MATN3: variants seen among roughly 807,000 people sequenced by gnomAD.
MATN3 encodes matrilin 3, also known as matrilin-3.
Under a neutral mutation model 45.3 loss-of-function variants are expected in MATN3, and 48 were observed. That is an observed-to-expected ratio of 1.06 (90% CI 0.84 to 1.35). The LOEUF (loss-of-function observed/expected upper bound fraction) is 1.35, where lower values mean the gene tolerates loss of function less well. Among genes scored for constraint, MATN3 ranks in the 40% most tolerant of loss-of-function variants. MATN3 has a pLI of 0.00. For synonymous variants in MATN3, 217 were observed against 245.9 expected, an observed-to-expected ratio of 0.88 and a Z score of 1.10; for missense variants, 599 against 628.0, an observed-to-expected ratio of 0.95 and a Z score of 0.49.
intron 1 of MATN3, among the ~76,000 whole-genome samples, chr2:20,010,072 A>T (rs1201745453): frequency 1.3e-5 from 1 of 77,516 alleles, no homozygotes; most frequent in Admixed American, 1.3e-4. Context: ...AATACTAAAA[A>T]AAAAAAAAAA....
At position 19,997,138 on chromosome 2, in the gene MATN3, A is replaced by C. The variant is rs749669494; in HGVS notation, c.1290T>G (p.Cys430Trp). The part of the protein sequence containing the change: ...GYTLNEDKKT[C>W]SATEEARRLV... ...CCTTAAAGGGCTGATCCTCACCTGA[A>C]CATGTTTTCTTGTCCTCATTTAAGG... Residue 430 changes from cysteine to tryptophan, a missense_variant, in exon 6 of 8, where the codon TGT (cysteine) becomes TGG (tryptophan). Physicochemically the swap from Cys to Trp is radical, Grantham distance 215. Coordinates refer to ENST00000407540, the MANE Select transcript of MATN3 (RefSeq NM_002381.5). The C allele has an allele frequency of 3.1e-6, 5 of 1,613,628 alleles. No individual in the cohort carries two copies. The Admixed American group carries it at 8.3e-5, about 27-fold the overall frequency.
intron 5 of MATN3, among the ~76,000 whole-genome samples, chr2:19,999,617 G>A (rs1672945429): frequency 8.0e-6 from 1 of 125,566 alleles, no homozygotes; most frequent in African/African-American, 3.0e-5. Flanking sequence ...TTTTTTACTG[G>A]TTTCCCTTTA....
At chr2:20,002,731 C>T (rs531481833) in intron 3 of MATN3, among the ~76,000 whole-genome samples, 1 of 151,936 alleles carries the variant, frequency 6.6e-6, no homozygotes, top group South Asian at 2.1e-4. Context: ...TCCCAAGTAA[C>T]TGGGACTACA....
chr2:19,997,406 G>C, intron 5 of MATN3, 147 bp from the exon 6 acceptor site: 1 of 715,598 alleles, frequency 1.4e-6, no homozygotes, highest in Non-Finnish European at 2.2e-6. Flanking sequence ...CATGCTGCAG[G>C]AGCAAGCCTG....
At chr2:19,994,881 G>A (rs185350328) in intron 6 of MATN3, among the ~76,000 whole-genome samples, 2 of 152,078 alleles carry the variant, frequency 1.3e-5, no homozygotes, top group Non-Finnish European at 2.9e-5. Context: ...TTGAGGCCAG[G>A]AGTTCAAGAC....
chr2:20,010,411 G>A (rs894987457), intron 1 of MATN3, among the ~76,000 whole-genome samples: 1 of 152,098 alleles, frequency 6.6e-6, no homozygotes, highest in Non-Finnish European at 1.5e-5. Flanking sequence ...AGACGTCCAC[G>A]TCCTAATTCC....
chr2:20,006,266 T>C lies in MATN3; in HGVS notation c.268A>G (p.Ser90Gly). The change falls in exon 2 of 8, where the codon AGT (serine) becomes GGT (glycine). Residue 90 changes from serine to glycine, a missense_variant. Transcript: ENST00000407540. ...TCCAGGGGCCGTACGCTACGAGAAC[T>C]ATCAATGATAAACACCAGGTCCAAG... The part of the protein sequence containing the change: ...RPLDLVFIID[S>G]SRSVRPLEFT... 1 of 1,599,540 alleles carries C rather than the reference T, an allele frequency of 6.3e-7. No homozygotes were observed. Among genetic ancestry groups the C allele is most frequent in the South Asian group, 1.1e-5 (1 of 90,058 alleles).
intron 2 of MATN3, 134 bp downstream of exon 2, chr2:20,005,610 A>G (rs529531121): frequency 4.9e-4 from 362 of 740,936 alleles, no homozygotes; most frequent in African/African-American, 1.0e-3. Flanking sequence ...ACACGTGCAC[A>G]CACACACACG....
chr2:19,996,031 G>A (rs564046330), intron 6 of MATN3, among the ~76,000 whole-genome samples: 1 of 152,148 alleles, frequency 6.6e-6, no homozygotes, highest in African/African-American at 2.4e-5. Context: ...TATAATACTT[G>A]TTCAGTGTCT....
chr2:19,992,999 A>T lies in MATN3; in HGVS notation c.*112T>A, dbSNP rs1672788699. 4 of 829,266 alleles carry T rather than the reference A, an allele frequency of 4.8e-6. No homozygotes were observed. The highest frequency in any genetic ancestry group is 6.2e-6 in the Non-Finnish European group (3 of 486,392). The allele number at this position is 829,266 out of a possible 1,614,324, so 51.4% of individuals were successfully genotyped here. A position where few individuals can be genotyped will look rare whatever the true frequency, so the allele number is the denominator to read the frequency against. ...TCCAGTAATATTCAAGCATTAATAC[A>T]GATAATGGCAAATTATTAGCAGGAA... On this transcript the variant is annotated 3_prime_UTR_variant, in exon 8 of 8. Transcript: ENST00000407540.
intron 5 of MATN3, chr2:19,997,826 T>C (rs563058916): frequency 1.3e-5 from 2 of 152,076 alleles, no homozygotes; most frequent in South Asian, 4.2e-4. Flanking sequence ...GGGTTAGTAA[T>C]GATGATGTGT....
chr2:20,012,534 C>T lies in MATN3; in HGVS notation c.98G>A (p.Arg33His). Reference protein sequence around the residue: ...LPSAAPDPVARPGFRRLETRG... With the variant: ...LPSAAPDPVAHPGFRRLETRG... ...GGTCTCCAGCCTCCGGAAGCCCGGG[C>T]GGGCCACGGGGTCGGGGGCGGCGGA... Residue 33 changes from arginine (R) to histidine (H), a missense_variant, in exon 1 of 8, where the codon CGC (arginine) becomes CAC (histidine). Physicochemically the swap from Arg to His is conservative, Grantham distance 29. Transcript: ENST00000407540. This position sits in a 1 kb window ranked among gnomAD's most constrained non-coding sequence, Gnocchi z 4.3. The T allele has an allele frequency of 8.2e-7, 1 of 1,226,620 alleles. No individual in the cohort carries two copies. The allele number at this position is 1,226,620 out of a possible 1,614,324, so 76.0% of individuals were successfully genotyped here. A position where few individuals can be genotyped will look rare whatever the true frequency, so the allele number is the denominator to read the frequency against.
At chr2:20,009,730 A>T (rs1192223962) in intron 1 of MATN3, among the ~76,000 whole-genome samples, 1 of 152,158 alleles carries the variant, frequency 6.6e-6, no homozygotes, top group Non-Finnish European at 1.5e-5. Flanking sequence ...ACTTCAAAAG[A>T]ACATTGGTCT....
chr2:20,007,136 A>C (rs1029736368), intron 1 of MATN3, among the ~76,000 whole-genome samples: 1 of 151,982 alleles, frequency 6.6e-6, no homozygotes, highest in African/African-American at 2.4e-5. Flanking sequence ...TGAACCTGGG[A>C]GACAGAGCTT....
chr2:19,997,368 G>T, intron 5 of MATN3, 109 bp from the exon 6 acceptor site: 1 of 1,117,272 alleles, frequency 9.0e-7, no homozygotes, highest in Non-Finnish European at 1.2e-6. Flanking sequence ...TGCTGAGAAT[G>T]TAGTAGTCAG....
intron 1 of MATN3, 48 bp from the exon 2 acceptor site, chr2:20,006,358 T>C (rs1378612430): frequency 1.4e-6 from 2 of 1,380,138 alleles, no homozygotes; most frequent in African/African-American, 2.9e-5. Flanking sequence ...AATGCAGTAA[T>C]CCTCACTTCC....
chr2:19,993,290 G>A, intron 7 of MATN3, 124 bp from the exon 8 acceptor site: 2 of 776,276 alleles, frequency 2.6e-6, no homozygotes, highest in South Asian at 1.7e-5. Context: ...GAGCAAAACT[G>A]TTTTCTCACC....
chr2:19,999,705 G>A (rs1289346199), intron 5 of MATN3, among the ~76,000 whole-genome samples: 1 of 149,788 alleles, frequency 6.7e-6, no homozygotes, highest in East Asian at 2.0e-4. Flanking sequence ...AAGTCTGTAT[G>A]TCCTCAAGGG....
At position 20,010,989 on chromosome 2, in the gene MATN3, C is replaced by G. The variant is rs535453110; in HGVS notation, c.223+1420G>C. On this transcript the variant is annotated intron_variant, in intron 1 of 7. Transcript: ENST00000407540. ...ATAGCAGCAATTTGATTCCCAAGAACAAAGAAAGAATCTGAATCTCCTAAA... is the reference window on the plus strand; with the variant it reads ...ATAGCAGCAATTTGATTCCCAAGAAGAAAGAAAGAATCTGAATCTCCTAAA... Among the ~76,000 whole-genome samples, 176 of 152,304 alleles carry G rather than the reference C, an allele frequency of 1.2e-3. 1 individual carries two copies. The highest frequency in any genetic ancestry group is 4.0e-3 in the African/African-American group (165 of 41,558).
Sources: allele counts gnomAD v4.1 joint callset (sites outside exome capture counted in the v4.1 genomes callset), GRCh38; gene constraint gnomAD v4.1.1; non-coding constraint Gnocchi (gnomAD v3.1); transcripts MANE v1.5; gene names NCBI Gene and HGNC (gene_info 2026-07-23, HGNC 2026-07-21).